ERCC8: variants seen among roughly 807,000 people sequenced by gnomAD.
ERCC8 encodes ERCC excision repair 8, CSA ubiquitin ligase complex subunit.
In ERCC8, 52 loss-of-function variants were observed where a neutral mutation model predicts 54.9. The ratio of observed to expected loss-of-function variants is 0.95; its 90% CI spans 0.76 to 1.19. ERCC8 has a LOEUF of 1.19. Ranked by LOEUF, ERCC8 falls within the 50% of genes most tolerant of loss-of-function variation. The probability of loss-of-function intolerance (pLI) is 0.00; values close to 1 mark genes in which losing one functional copy is unlikely to be tolerated. For missense variants in ERCC8, 514 were observed against 466.1 expected, an observed-to-expected ratio of 1.10 and a Z score of -0.95; for synonymous variants, 146 against 157.2, an observed-to-expected ratio of 0.93 and a Z score of 0.53.
chr5:60,889,821 C>T (rs1748497318), intron 10 of ERCC8, among the ~76,000 whole-genome samples: 1 of 152,164 alleles, frequency 6.6e-6, no homozygotes, highest in Admixed American at 6.5e-5. Context: ...CGTCACCTCT[C>T]TGGTGCTTTC....
intron 7 of ERCC8, chr5:60,900,946 A>C (rs1261054001): frequency 6.6e-6 from 1 of 152,048 alleles, no homozygotes; most frequent in East Asian, 1.9e-4. Context: ...TTATGGCTAC[A>C]TTCTAGACCT....
intron 6 of ERCC8, among the ~76,000 whole-genome samples, chr5:60,903,026 C>T (rs1013346886): frequency 1.3e-5 from 2 of 151,894 alleles, no homozygotes; most frequent in African/African-American, 4.8e-5. Flanking sequence ...TCACATCAGA[C>T]ATTTCCACCT....
intron 11 of ERCC8, among the ~76,000 whole-genome samples, chr5:60,886,504 C>T (rs1748393996): frequency 6.6e-6 from 1 of 151,912 alleles, no homozygotes; most frequent in Non-Finnish European, 1.5e-5. Context: ...GAGTTGAAGA[C>T]CAGCCTGACA....
intron 5 of ERCC8, among the ~76,000 whole-genome samples, 162 bp downstream of exon 5, chr5:60,904,630 G>GTATATATA (rs1453923345): frequency 1.6e-4 from 7 of 44,564 alleles, no homozygotes; most frequent in Admixed American, 2.6e-4. Flanking sequence ...TAGTGTGTGT[G>GTATATATA]TGTGTATATA....
intron 9 of ERCC8, chr5:60,891,892 A>T: frequency 2.1e-6 from 1 of 468,080 alleles, no homozygotes. Flanking sequence ...TCCCACTGGA[A>T]CTGGTGCTTG....
At chr5:60,874,960 A>G (rs1411667600) in intron 11 of ERCC8, among the ~76,000 whole-genome samples, 1 of 152,184 alleles carries the variant, frequency 6.6e-6, no homozygotes, top group Non-Finnish European at 1.5e-5. Context: ...ATACATACAT[A>G]TACTATGATG....
At chr5:60,896,828 A>C (rs576312633) in intron 9 of ERCC8, among the ~76,000 whole-genome samples, 1 of 152,208 alleles carries the variant, frequency 6.6e-6, no homozygotes, top group Admixed American at 6.5e-5. Context: ...AACCACATGA[A>C]CAATTTATAT....
rs1305258765 is a variant in ERCC8 at position 60,898,275 on chromosome 5, C to G, written c.843+1G>C. 1 of 1,613,224 alleles carries G rather than the reference C, an allele frequency of 6.2e-7. No individual in the cohort carries two copies. Among genetic ancestry groups the G allele is most frequent in the African/African-American group, 1.3e-5 (1 of 75,000 alleles). On this transcript the variant is annotated splice_donor_variant, in intron 9 of 11. Coordinates refer to ENST00000676185, the MANE Select transcript of ERCC8 (RefSeq NM_000082.4). LOFTEE classifies it high-confidence loss of function. ...CAAATATATACTTAAAAATCTCTTA[C>G]AAGTGTGTTTTCTCCATTGGAACTA...
At chr5:60,921,179 A>T (rs1749590225) in intron 3 of ERCC8, among the ~76,000 whole-genome samples, 1 of 151,988 alleles carries the variant, frequency 6.6e-6, no homozygotes, top group Non-Finnish European at 1.5e-5. Context: ...AGCTGAGATT[A>T]ACTGATTTTC....
At chr5:60,943,819 T>C (rs961989192) in intron 1 of ERCC8, among the ~76,000 whole-genome samples, 1 of 151,634 alleles carries the variant, frequency 6.6e-6, no homozygotes, top group Non-Finnish European at 1.5e-5. Flanking sequence ...TAGACATAAA[T>C]GAGGAAAAGT....
chr5:60,878,606 G>A (rs886450632), intron 11 of ERCC8, among the ~76,000 whole-genome samples: 11 of 152,172 alleles, frequency 7.2e-5, no homozygotes, highest in Non-Finnish European at 1.3e-4. Context: ...TTGGGAGGGT[G>A]TATGTGTCCA....
chr5:60,921,180 A>G (rs886452288), intron 3 of ERCC8, among the ~76,000 whole-genome samples: 5 of 151,962 alleles, frequency 3.3e-5, no homozygotes, highest in Admixed American at 3.3e-4. Flanking sequence ...GCTGAGATTA[A>G]CTGATTTTCC....
At chr5:60,942,464 C>CA (rs981560597) in intron 1 of ERCC8, among the ~76,000 whole-genome samples, 24 of 150,670 alleles carry the variant, frequency 1.6e-4, no homozygotes, top group South Asian at 4.2e-4. Flanking sequence ...TACTCCACAG[C>CA]AAAAAAAAGG....
intron 4 of ERCC8, among the ~76,000 whole-genome samples, chr5:60,913,115 T>C (rs1749320026): frequency 6.6e-6 from 1 of 152,050 alleles, no homozygotes; most frequent in Admixed American, 6.5e-5. Flanking sequence ...ATAAAATGAG[T>C]TAGGGAGGAT....
chr5:60,899,166 C>G (rs953499924), intron 8 of ERCC8, among the ~76,000 whole-genome samples: 1 of 151,802 alleles, frequency 6.6e-6, no homozygotes, highest in Non-Finnish European at 1.5e-5. Flanking sequence ...AATTCTCTAT[C>G]AAAATTTCTA....
At chr5:60,901,963 AT>A (rs4647107) in intron 7 of ERCC8, among the ~76,000 whole-genome samples, 2,310 of 152,122 alleles carry the variant, frequency 0.015, 71 homozygotes, top group African/African-American at 0.053. Flanking sequence ...GTAATCACTG[AT>A]TTTTGACTAT....
intron 2 of ERCC8, among the ~76,000 whole-genome samples, chr5:60,922,676 C>T (rs1415335271): frequency 2.6e-5 from 4 of 152,098 alleles, no homozygotes; most frequent in African/African-American, 9.6e-5. Flanking sequence ...AATAGGGGCT[C>T]AATAAATGTT....
Position 60,890,971 on chromosome 5 carries a change from G to A in ERCC8, c.959C>T (p.Thr320Ile), listed in dbSNP as rs150632283. Reference protein sequence around the residue: ...VPYGSTIAVYTVYSGEQITML... With the variant: ...VPYGSTIAVYIVYSGEQITML... Reference sequence around the variant, plus strand: ...AGTTATCTGTTCTCCTGAGTAAACTGTATAAACAGCAATGGTGCTACCATA... The same window carrying A: ...AGTTATCTGTTCTCCTGAGTAAACTATATAAACAGCAATGGTGCTACCATA... The change falls in exon 10 of 12, where the codon ACA becomes ATA. Residue 320 changes from threonine (T) to isoleucine (I), a missense_variant. Thr to Ile is a moderately conservative substitution (Grantham distance 89). Coordinates refer to ENST00000676185, the MANE Select transcript of ERCC8 (RefSeq NM_000082.4). 6.2e-7 allele frequency: 1 copy of A among 1,613,002 alleles called. No homozygotes were observed. Among genetic ancestry groups the A allele is most frequent in the South Asian group, 1.1e-5 (1 of 91,054 alleles).
chr5:60,943,623 G>T (rs948807443), intron 1 of ERCC8, among the ~76,000 whole-genome samples: 1 of 152,064 alleles, frequency 6.6e-6, no homozygotes, highest in African/African-American at 2.4e-5. Context: ...GAGGAAATTG[G>T]CCAAAAGAAT....
Sources: allele counts gnomAD v4.1 joint callset (sites outside exome capture counted in the v4.1 genomes callset), GRCh38; gene constraint gnomAD v4.1.1; transcripts MANE v1.5; gene names NCBI Gene and HGNC (gene_info 2026-07-23, HGNC 2026-07-21).